ULK4: variants seen among roughly 807,000 people sequenced by gnomAD.
ULK4 encodes unc-51 like kinase 4.
A neutral mutation model predicts 160.6 loss-of-function variants in ULK4; 133 were observed. That is an observed-to-expected ratio of 0.83 (90% confidence interval 0.72 to 0.96). The LOEUF is 0.96. ULK4 is among the 40% of genes least tolerant of loss of function. The pLI, the probability that ULK4 is intolerant of heterozygous loss-of-function variation, is 0.00. For missense variants in ULK4, 1,580 were observed against 1,499.5 expected (o/e 1.05, Z -0.89); for synonymous variants, 534 against 539.8 (o/e 0.99, Z 0.15).
In ULK4 at chr3:41,787,917, TAATC is replaced by T. The variant is rs146874292; in HGVS notation, c.2193+1740_2193+1743del. On this transcript the variant is annotated intron_variant, in intron 21 of 36. Coordinates refer to ENST00000301831, the MANE Select transcript of ULK4 (RefSeq NM_017886.4). ...TTTGTGAAATACTATATTTGAAACT[TAATC>T]AATCCATGCCTGTGCTGAAGGTAAA... Among the ~76,000 whole-genome samples the T allele has an allele frequency of 2.2e-3, 342 of 152,304 alleles. 1 individual carries two copies. The highest frequency in any genetic ancestry group is 7.6e-3 in the African/African-American group (316 of 41,556).
intron 29 of ULK4, among the ~76,000 whole-genome samples, chr3:41,666,664 G>A (rs563962894): frequency 1.4e-4 from 21 of 152,106 alleles, no homozygotes; most frequent in South Asian, 2.1e-4. Flanking sequence ...ACAGAAGGAC[G>A]GACCCACAAG....
At chr3:41,803,050 A>G (rs1248326745) in intron 19 of ULK4, among the ~76,000 whole-genome samples, 2 of 152,000 alleles carry the variant, frequency 1.3e-5, no homozygotes, top group Non-Finnish European at 2.9e-5. Flanking sequence ...TTATAATCCT[A>G]GCTACTCAGG....
chr3:41,912,528 A>G (rs367608592), intron 9 of ULK4, among the ~76,000 whole-genome samples: 1 of 152,202 alleles, frequency 6.6e-6, no homozygotes, highest in East Asian at 1.9e-4. Context: ...AGATCCTACC[A>G]TTTACTTGGG....
chr3:41,856,603 GTGTATATATATACACATATATA>G (rs1559611394), intron 17 of ULK4, among the ~76,000 whole-genome samples: 3 of 66,028 alleles, frequency 4.5e-5, no homozygotes, highest in African/African-American at 3.2e-4. Flanking sequence ...ATATATATAT[GTGTATATATATACACATATATA>G]TATATGTATA....
intron 22 of ULK4, among the ~76,000 whole-genome samples, chr3:41,737,025 G>A (rs1350566766): frequency 6.6e-6 from 1 of 151,852 alleles, no homozygotes; most frequent in Non-Finnish European, 1.5e-5. Flanking sequence ...TTATTTCTGA[G>A]GGCTCTGTTC....
intron 1 of ULK4, among the ~76,000 whole-genome samples, chr3:41,960,942 C>T (rs1372326579): frequency 1.3e-5 from 2 of 152,138 alleles, no homozygotes; most frequent in Admixed American, 6.5e-5. Context: ...GTCTCAATCA[C>T]CACCCCTCCT....
rs187246168 is a variant in ULK4, at chr3:41,331,345, G to A, written c.3678+66734C>T. On this transcript the variant is annotated intron_variant, in intron 35 of 36. Transcript: ENST00000301831. Reference sequence around the variant, plus strand: ...ACTGGGTGTGTACTCTAAGGTTCTCGACAGCTAATCTACTCCAATTATCTA... The same window carrying A: ...ACTGGGTGTGTACTCTAAGGTTCTCAACAGCTAATCTACTCCAATTATCTA... Among the ~76,000 whole-genome samples the A allele has an allele frequency of 2.9e-3, 448 of 152,270 alleles. 1 individual carries two copies. The highest frequency in any genetic ancestry group is 9.9e-3 in the African/African-American group (413 of 41,560).
At chr3:41,542,997 T>G (rs1382238819) in intron 32 of ULK4, among the ~76,000 whole-genome samples, 1 of 152,078 alleles carries the variant, frequency 6.6e-6, no homozygotes, top group Non-Finnish European at 1.5e-5. Context: ...GCCATTCTTA[T>G]GTAAAAGGAA....
intron 31 of ULK4, among the ~76,000 whole-genome samples, chr3:41,595,246 A>G (rs1385589864): frequency 6.6e-6 from 1 of 152,146 alleles, no homozygotes; most frequent in East Asian, 1.9e-4. Context: ...GAGACCAGGC[A>G]GTAACCCCCT....
intron 35 of ULK4, among the ~76,000 whole-genome samples, chr3:41,347,071 G>GA (rs59924185): frequency 0.036 from 5,336 of 149,028 alleles, 249 homozygotes; most frequent in East Asian, 0.19. Context: ...AAATATTCAG[G>GA]AAAAAAAAAA....
chr3:41,786,881 T>C (rs539286965), intron 21 of ULK4, among the ~76,000 whole-genome samples: 1 of 152,162 alleles, frequency 6.6e-6, no homozygotes, highest in Non-Finnish European at 1.5e-5. Flanking sequence ...CCTTGAAACC[T>C]GAGGATCAAC....
chr3:41,452,166 C>G (rs996366248), intron 34 of ULK4, among the ~76,000 whole-genome samples: 1 of 152,096 alleles, frequency 6.6e-6, no homozygotes, highest in Non-Finnish European at 1.5e-5. Flanking sequence ...TCTATCTGCT[C>G]CAAGTTCCTG....
intron 35 of ULK4, among the ~76,000 whole-genome samples, chr3:41,377,905 C>G (rs1427564072): frequency 6.6e-6 from 1 of 150,546 alleles, no homozygotes; most frequent in South Asian, 2.1e-4. Context: ...AATCATGCTG[C>G]TATAAAGACA....
At chr3:41,810,135 C>T (rs1223612593) in intron 19 of ULK4, among the ~76,000 whole-genome samples, 2 of 152,198 alleles carry the variant, frequency 1.3e-5, no homozygotes, top group East Asian at 1.9e-4. Flanking sequence ...ATAGGAAAGA[C>T]ACTGCCCTGT....
chr3:41,767,208 G>C (rs1263736587), intron 21 of ULK4, among the ~76,000 whole-genome samples: 1 of 152,106 alleles, frequency 6.6e-6, no homozygotes, highest in African/African-American at 2.4e-5. Flanking sequence ...AAAAGTTGAA[G>C]CATGTTAATT....
At chr3:41,307,554 G>A (rs143385955) in intron 35 of ULK4, among the ~76,000 whole-genome samples, 2 of 152,276 alleles carry the variant, frequency 1.3e-5, no homozygotes, top group African/African-American at 4.8e-5. Flanking sequence ...TAGGCTGGGT[G>A]TAATCGCTCA....
chr3:41,947,238 G>C (rs1403763388), intron 2 of ULK4, among the ~76,000 whole-genome samples: 2 of 152,202 alleles, frequency 1.3e-5, no homozygotes, highest in African/African-American at 4.8e-5. Context: ...GTGAACCCAG[G>C]AGACGGAGCT....
chr3:41,893,023 C>T (rs1282573898), intron 16 of ULK4, among the ~76,000 whole-genome samples: 1 of 152,202 alleles, frequency 6.6e-6, no homozygotes, highest in Non-Finnish European at 1.5e-5. Flanking sequence ...GCTTTCTGTG[C>T]TGTGAGCAAC....
At chr3:41,287,792 G>C (rs985294140) in intron 35 of ULK4, among the ~76,000 whole-genome samples, 1 of 152,180 alleles carries the variant, frequency 6.6e-6, no homozygotes, top group Admixed American at 6.5e-5. Context: ...CCAAACACAG[G>C]AACGAGAGTC....
Sources: allele counts gnomAD v4.1 joint callset (sites outside exome capture counted in the v4.1 genomes callset), GRCh38; gene constraint gnomAD v4.1.1; transcripts MANE v1.5; gene names NCBI Gene and HGNC (gene_info 2026-07-23, HGNC 2026-07-21).